The following EXOC6B variants were observed in gnomAD, a reference collection of about 807,000 sequenced individuals.
The protein encoded by EXOC6B is SEC15 homolog B.
In EXOC6B, 54 loss-of-function variants were observed where a neutral mutation model predicts 113.5. The ratio of observed to expected loss-of-function variants is 0.48; its 90% CI spans 0.38 to 0.60. The LOEUF (loss-of-function observed/expected upper bound fraction) is 0.60, where lower values mean the gene tolerates loss of function less well. Ranked by LOEUF, EXOC6B falls within the 20% of genes least tolerant of loss-of-function variation. The probability of loss-of-function intolerance (pLI) is 0.00; values close to 1 mark genes in which losing one functional copy is unlikely to be tolerated. For missense variants in EXOC6B, 797 were observed against 977.5 expected (o/e 0.82, Z 2.46); for synonymous variants, 357 against 339.0 (o/e 1.05, Z -0.58).
intron 11 of EXOC6B, among the ~76,000 whole-genome samples, chr2:72,508,546 C>T (rs867614781): frequency 4.6e-5 from 7 of 152,022 alleles, no homozygotes; most frequent in African/African-American, 7.2e-5. Flanking sequence ...CCGAGGTAGG[C>T]GAATCACCTG....
chr2:72,551,719 A>G (rs1473795142), intron 8 of EXOC6B, among the ~76,000 whole-genome samples: 3 of 150,388 alleles, frequency 2.0e-5, no homozygotes, highest in Non-Finnish European at 4.4e-5. Context: ...CATGGTCTCG[A>G]TCTCCTGACC....
chr2:72,747,856 G>A (rs910266864), intron 1 of EXOC6B, among the ~76,000 whole-genome samples: 1 of 151,840 alleles, frequency 6.6e-6, no homozygotes, highest in African/African-American at 2.4e-5. Flanking sequence ...GCTCCTCCTC[G>A]GTGATTATCA....
At chr2:72,607,781 A>G (rs958111377) in intron 6 of EXOC6B, among the ~76,000 whole-genome samples, 1 of 152,148 alleles carries the variant, frequency 6.6e-6, no homozygotes, top group Non-Finnish European at 1.5e-5. Context: ...TGGGTCAGTT[A>G]AACAGATATG....
intron 6 of EXOC6B, among the ~76,000 whole-genome samples, chr2:72,643,801 A>T (rs1206046154): frequency 6.6e-6 from 1 of 150,764 alleles, no homozygotes. Context: ...AAGCAATAAA[A>T]AAAATTAAAA....
rs199639233 is a variant in EXOC6B, at chr2:72,251,529, T to C, written c.2197-67342A>G. On this transcript the variant is annotated intron_variant, in intron 20 of 21. Coordinates refer to ENST00000272427, the MANE Select transcript of EXOC6B (RefSeq NM_015189.3). ...GTAGAACCACTAAGAGGTTAGTTAG[T>C]GGGATACATGTGAGAGTTTGAAGAC... 3.3e-5 allele frequency among the ~76,000 whole-genome samples: 5 copies of C among 152,322 alleles called. No individual in the cohort carries two copies. The East Asian group carries it at 9.7e-4, about 29-fold the overall frequency.
At chr2:72,655,866 T>C (rs905378433) in intron 6 of EXOC6B, among the ~76,000 whole-genome samples, 2 of 152,106 alleles carry the variant, frequency 1.3e-5, no homozygotes, top group Admixed American at 6.5e-5. Context: ...TTTTAGAATA[T>C]CTTAATCTAT....
At chr2:72,428,710 C>A (rs1695350304) in intron 18 of EXOC6B, among the ~76,000 whole-genome samples, 1 of 152,110 alleles carries the variant, frequency 6.6e-6, no homozygotes, top group Non-Finnish European at 1.5e-5. Context: ...AGGTTTCCAG[C>A]CAAAAAAGCA....
In EXOC6B at chr2:72,541,191, T is replaced by A. The variant is rs143603061; in HGVS notation, c.915+18262A>T. On this transcript the variant is annotated intron_variant, in intron 8 of 21. Coordinates refer to ENST00000272427, the MANE Select transcript of EXOC6B (RefSeq NM_015189.3). ...GGTTTCCACTTTTGCTTCTTTCTCA[T>A]TTACTCTTGCCACTGCCATGTAAGA... Among the ~76,000 whole-genome samples, 586 of 152,300 alleles carry A rather than the reference T, an allele frequency of 3.8e-3. 11 individuals are homozygous for A. The highest frequency in any genetic ancestry group is 0.014 in the African/African-American group (573 of 41,562).
intron 6 of EXOC6B, among the ~76,000 whole-genome samples, chr2:72,687,861 T>C (rs1442709459): frequency 6.6e-6 from 1 of 152,158 alleles, no homozygotes; most frequent in African/African-American, 2.4e-5. Context: ...GACACTATTC[T>C]GAAAACAGGG....
intron 6 of EXOC6B, among the ~76,000 whole-genome samples, chr2:72,654,152 A>G (rs1674424113): frequency 6.6e-6 from 1 of 151,972 alleles, no homozygotes; most frequent in Non-Finnish European, 1.5e-5. Flanking sequence ...TTGTGTTTTT[A>G]GTAGAGACGG....
chr2:72,684,472 A>C (rs1447359435), intron 6 of EXOC6B, among the ~76,000 whole-genome samples: 1 of 152,202 alleles, frequency 6.6e-6, no homozygotes, highest in Non-Finnish European at 1.5e-5. Context: ...TGCTAGGTAT[A>C]TTTACCCAAG....
chr2:72,382,269 G>A (rs1313647961), intron 18 of EXOC6B, among the ~76,000 whole-genome samples: 1 of 152,172 alleles, frequency 6.6e-6, no homozygotes, highest in African/African-American at 2.4e-5. Context: ...ACAAAGGTAT[G>A]AGACCAGCAC....
chr2:72,588,777 A>G (rs558465343), intron 6 of EXOC6B, among the ~76,000 whole-genome samples: 1 of 152,130 alleles, frequency 6.6e-6, no homozygotes, highest in South Asian at 2.1e-4. Context: ...TCATTGGTGG[A>G]TGAGGAGGTA....
At chr2:72,541,525 T>G (rs1470736505) in intron 8 of EXOC6B, among the ~76,000 whole-genome samples, 1 of 152,180 alleles carries the variant, frequency 6.6e-6, no homozygotes, top group Admixed American at 6.5e-5. Context: ...CATTGCATGG[T>G]TTTTTAATCT....
chr2:72,259,245 T>C (rs1345078562), intron 20 of EXOC6B, among the ~76,000 whole-genome samples: 1 of 152,244 alleles, frequency 6.6e-6, no homozygotes, highest in Non-Finnish European at 1.5e-5. Context: ...CTATGAATTA[T>C]AGATTGTCAC....
intron 1 of EXOC6B, among the ~76,000 whole-genome samples, chr2:72,789,276 T>A (rs919396346): frequency 1.3e-5 from 2 of 152,206 alleles, no homozygotes; most frequent in African/African-American, 4.8e-5. Context: ...ATCATTATGA[T>A]CAAATGAGCT....
intron 8 of EXOC6B, among the ~76,000 whole-genome samples, chr2:72,546,640 T>C (rs546449135): frequency 2.6e-5 from 4 of 152,238 alleles, no homozygotes; most frequent in Admixed American, 6.5e-5. Context: ...ATCTCTGCTC[T>C]GCATCCCTTT....
At chr2:72,241,321 T>C (rs570753662) in intron 20 of EXOC6B, among the ~76,000 whole-genome samples, 1 of 152,016 alleles carries the variant, frequency 6.6e-6, no homozygotes, top group South Asian at 2.1e-4. Flanking sequence ...ACTTCAAAAC[T>C]GAAATGCAAA....
At chr2:72,464,730 A>G (rs192999125) in intron 18 of EXOC6B, 274 of 166,630 alleles carry the variant, frequency 1.6e-3, no homozygotes, top group African/African-American at 6.4e-3. Context: ...AATATGCTTA[A>G]GAAAACAGAG....
Sources: gnomAD v4.1 joint callset for allele counts (sites outside exome capture counted in the v4.1 genomes callset) on GRCh38, gnomAD v4.1.1 for gene constraint, MANE v1.5 for transcripts, NCBI Gene and HGNC (gene_info 2026-07-23, HGNC 2026-07-21) for gene names.